CACHD1: variants seen among roughly 807,000 people sequenced by gnomAD.
The protein encoded by CACHD1 is cache domain containing 1, also known as VWFA and cache domain-containing protein 1.
CACHD1 carries 71 observed loss-of-function variants against 138.7 expected under a neutral mutation model. That is an observed-to-expected ratio of 0.51 (90% CI 0.42 to 0.62). The LOEUF (loss-of-function observed/expected upper bound fraction) is 0.62. CACHD1 is among the 20% of genes least tolerant of loss of function. CACHD1 has a pLI of 0.00. For synonymous variants in CACHD1, 578 were observed against 591.5 expected (o/e 0.98, Z 0.33); for missense variants, 1,389 against 1,625.3 (o/e 0.85, Z 2.50).
At chr1:64,663,575 G>T in intron 13 of CACHD1, 120 bp from the exon 14 acceptor site, 2 of 1,194,080 alleles carry the variant, frequency 1.7e-6, no homozygotes, top group Non-Finnish European at 1.2e-6. Context: ...AGAAAAAAAG[G>T]AAAAAAAAAG....
intron 4 of CACHD1, among the ~76,000 whole-genome samples, chr1:64,612,160 C>T (rs1647556345): frequency 6.6e-6 from 1 of 152,136 alleles, no homozygotes; most frequent in Non-Finnish European, 1.5e-5. Flanking sequence ...GTGAGGATTA[C>T]AATTCAAGAT....
chr1:64,543,586 T>C (rs1032869968), intron 1 of CACHD1, among the ~76,000 whole-genome samples: 5 of 151,254 alleles, frequency 3.3e-5, no homozygotes, highest in Non-Finnish European at 7.4e-5. Flanking sequence ...AAATAATAAT[T>C]TTAAAAGTGA....
At chr1:64,547,613 C>T (rs1473143036) in intron 1 of CACHD1, among the ~76,000 whole-genome samples, 1 of 152,140 alleles carries the variant, frequency 6.6e-6, no homozygotes, top group Non-Finnish European at 1.5e-5. Context: ...GTGATCTGCC[C>T]ACCTAAGCCT....
chr1:64,641,878 A>C lies in CACHD1; in HGVS notation c.1065A>C (p.Glu355Asp). 6.3e-7 allele frequency: 1 copy of C among 1,594,398 alleles called. No individual in the cohort carries two copies. Among genetic ancestry groups the C allele is most frequent in the Non-Finnish European group, 8.6e-7 (1 of 1,166,864 alleles). ...SAGITSKDSSEEDKKATLQVI... is the reference protein window; with the variant it reads ...SAGITSKDSSDEDKKATLQVI... ...GCATTACATCAAAGGACTCTTCGGA[A>C]GAAGATAAAAAAGCGACTCTCCAAG... Residue 355 changes from glutamate to aspartate, a missense_variant, in exon 8 of 27, where the codon GAA (glutamate) becomes GAC (aspartate). Around this residue, in one of 5 missense-constraint regions of CACHD1, gnomAD observed 1,000 missense variants for 1,114.7 expected, o/e 0.90. Transcript: ENST00000651257.
chr1:64,566,695 A>G (rs1646885832), intron 2 of CACHD1, among the ~76,000 whole-genome samples: 4 of 149,378 alleles, frequency 2.7e-5, no homozygotes, highest in South Asian at 4.2e-4. Context: ...TAAATGGTCT[A>G]TCACTTTTTT....
intron 1 of CACHD1, among the ~76,000 whole-genome samples, chr1:64,479,114 T>C (rs1424443914): frequency 1.3e-5 from 2 of 152,198 alleles, no homozygotes; most frequent in African/African-American, 2.4e-5. Context: ...GCAGTGCTTG[T>C]GTGCAGGTTA....
chr1:64,511,374 T>C (rs1646419507), intron 1 of CACHD1, among the ~76,000 whole-genome samples: 1 of 152,126 alleles, frequency 6.6e-6, no homozygotes, highest in Non-Finnish European at 1.5e-5. Context: ...TTCTTTCCAT[T>C]ATAGCATGCT....
intron 1 of CACHD1, among the ~76,000 whole-genome samples, chr1:64,545,047 G>A (rs572721570): frequency 5.2e-4 from 79 of 152,266 alleles, no homozygotes; most frequent in South Asian, 1.0e-3. Context: ...CTGGATTATG[G>A]ATTGGGGTTT....
intron 1 of CACHD1, among the ~76,000 whole-genome samples, chr1:64,495,628 A>T (rs1405185695): frequency 1.3e-5 from 2 of 152,136 alleles, no homozygotes; most frequent in African/African-American, 2.4e-5. Flanking sequence ...GAAATGATAG[A>T]TAAACATGGG....
At chr1:64,681,531 A>AT (rs1650176974) in intron 25 of CACHD1, among the ~76,000 whole-genome samples, 196 bp downstream of exon 25, 2 of 71,134 alleles carry the variant, frequency 2.8e-5, no homozygotes, top group South Asian at 1.1e-3. Context: ...ATCTCAAAAG[A>AT]TTTTATTGTG....
chr1:64,500,791 T>C (rs1012148659), intron 1 of CACHD1, among the ~76,000 whole-genome samples: 5 of 149,168 alleles, frequency 3.4e-5, no homozygotes, highest in African/African-American at 1.2e-4. Flanking sequence ...CTCATGCCTG[T>C]AATCCCAGCA....
chr1:64,669,061 C>T (rs541561846), intron 16 of CACHD1, among the ~76,000 whole-genome samples: 2 of 151,886 alleles, frequency 1.3e-5, no homozygotes, highest in Non-Finnish European at 2.9e-5. Flanking sequence ...TAGAGCCTAT[C>T]TCAAATGATT....
At chr1:64,690,848 C>A (rs969021628) in intron 26 of CACHD1, among the ~76,000 whole-genome samples, 1 of 152,232 alleles carries the variant, frequency 6.6e-6, no homozygotes, top group African/African-American at 2.4e-5. Flanking sequence ...CCCAGATTTC[C>A]GCACCAGCCC....
chr1:64,532,152 A>G (rs933503398), intron 1 of CACHD1, among the ~76,000 whole-genome samples: 4 of 152,220 alleles, frequency 2.6e-5, no homozygotes, highest in African/African-American at 9.6e-5. Context: ...TATCAGGGAA[A>G]TTAGAGGCAA....
chr1:64,663,892 G>T, intron 14 of CACHD1, 55 bp downstream of exon 14: 2 of 1,608,510 alleles, frequency 1.2e-6, no homozygotes, highest in Non-Finnish European at 8.5e-7. Context: ...GGCCCAGCAG[G>T]GGGTGCTGGC....
chr1:64,564,105 G>T (rs1165535508), intron 2 of CACHD1, among the ~76,000 whole-genome samples: 2 of 152,166 alleles, frequency 1.3e-5, no homozygotes, highest in African/African-American at 4.8e-5. Context: ...CCACTTGCAT[G>T]CAGAGCCTTT....
chr1:64,483,761 C>G lies in CACHD1; in HGVS notation c.198+12819C>G, dbSNP rs568228729. On this transcript the variant is annotated intron_variant, in intron 1 of 26. Coordinates refer to ENST00000651257, the MANE Select transcript of CACHD1 (RefSeq NM_020925.4). ...GATGTCATACCTCTGCTTAAAACTCCCTAAAGGTTCTCATCTGACTCAGTA... is the reference window on the plus strand; with the variant it reads ...GATGTCATACCTCTGCTTAAAACTCGCTAAAGGTTCTCATCTGACTCAGTA... Among the ~76,000 whole-genome samples, 6 of 151,840 alleles carry G rather than the reference C, an allele frequency of 4.0e-5. No individual in the cohort carries two copies. In the South Asian group the frequency reaches 1.3e-3, roughly 32 times the overall value.
intron 2 of CACHD1, 51 bp from the exon 3 acceptor site, chr1:64,582,102 CAAT>C: frequency 6.3e-7 from 1 of 1,578,402 alleles, no homozygotes; most frequent in Non-Finnish European, 8.6e-7. Flanking sequence ...GAAAAAAATA[CAAT>C]GAGTTATTGT....
At chr1:64,593,833 G>T (rs1334582308) in intron 3 of CACHD1, among the ~76,000 whole-genome samples, 1 of 152,166 alleles carries the variant, frequency 6.6e-6, no homozygotes, top group South Asian at 2.1e-4. Context: ...ATACTTCAGT[G>T]AAATACTTTT....
Sources: allele counts gnomAD v4.1 joint callset (sites outside exome capture counted in the v4.1 genomes callset), GRCh38; gene constraint gnomAD v4.1.1; regional missense constraint gnomAD v4.1.1; transcripts MANE v1.5; gene names NCBI Gene and HGNC (gene_info 2026-07-23, HGNC 2026-07-21).